The following TANC1 variants were observed in gnomAD, a reference collection of about 807,000 sequenced individuals.
TANC1 encodes tetratricopeptide repeat, ankyrin repeat and coiled-coil containing 1.
In TANC1, 77 loss-of-function variants were observed where a neutral mutation model predicts 149.7. That is an observed-to-expected ratio of 0.51 (90% CI 0.43 to 0.62). TANC1 has a LOEUF of 0.62. Ranked by LOEUF, TANC1 falls within the 20% of genes least tolerant of loss-of-function variation. The pLI is 0.00. For missense variants in TANC1, 1,985 were observed against 2,321.8 expected, an observed-to-expected ratio of 0.85 and a Z score of 2.98; for synonymous variants, 854 against 925.0, an observed-to-expected ratio of 0.92 and a Z score of 1.39.
chr2:158,983,414 C>T (rs1486778209), intron 1 of TANC1, among the ~76,000 whole-genome samples: 1 of 146,716 alleles, frequency 6.8e-6, no homozygotes, highest in Admixed American at 7.0e-5. Flanking sequence ...TTGCAATGAG[C>T]CGAGATCGCG....
At position 159,225,350 on chromosome 2, in the gene TANC1, C is replaced by T. The variant is rs182271657; in HGVS notation, c.3812-338C>T. The T allele has an allele frequency of 4.2e-4, 160 of 382,272 alleles. 1 individual carries two copies. Among genetic ancestry groups the T allele is most frequent in the Admixed American group, 5.1e-4 (13 of 25,402 alleles). The allele number at this position is 382,272 out of a possible 1,614,324, so 23.7% of individuals were successfully genotyped here. A position where few individuals can be genotyped will look rare whatever the true frequency, so the allele number is the denominator to read the frequency against. On this transcript the variant is annotated intron_variant, in intron 23 of 26. Transcript: ENST00000263635. Reference sequence around the variant, plus strand: ...TGCGTGCTGAGAACACATGCCTGCACGGTGGCCGCTGCAGGAACTGAGGAG... The same window carrying T: ...TGCGTGCTGAGAACACATGCCTGCATGGTGGCCGCTGCAGGAACTGAGGAG...
At chr2:158,969,930 C>A (rs900787553) in intron 1 of TANC1, among the ~76,000 whole-genome samples, 11 of 150,200 alleles carry the variant, frequency 7.3e-5, no homozygotes, top group Admixed American at 5.3e-4. Flanking sequence ...GAGGAGGGAA[C>A]TTTCATCTTG....
chr2:159,231,032 T>G lies in TANC1; in HGVS notation c.*20T>G. The G allele has an allele frequency of 6.5e-7, 1 of 1,549,192 alleles. No homozygotes were observed. The highest frequency in any genetic ancestry group is 1.2e-5 in the South Asian group (1 of 82,724). ...GTGTGAACCTTAAGAAATCCCCATT[T>G]GTGGAATTTGGAAACGTGTGTTGAC... On this transcript the variant is annotated 3_prime_UTR_variant, in exon 27 of 27. Transcript: ENST00000263635.
chr2:159,065,012 C>T (rs980316080), intron 2 of TANC1, among the ~76,000 whole-genome samples: 1 of 152,006 alleles, frequency 6.6e-6, no homozygotes, highest in Non-Finnish European at 1.5e-5. Flanking sequence ...GTGATGGTAA[C>T]ACAACCCACT....
chr2:159,050,821 T>A (rs1244521925), intron 2 of TANC1, among the ~76,000 whole-genome samples: 3 of 152,230 alleles, frequency 2.0e-5, no homozygotes, highest in Non-Finnish European at 2.9e-5. Context: ...ATATGAGGAT[T>A]ATAAAAAGTG....
At chr2:159,087,288 C>T (rs978876060) in intron 3 of TANC1, among the ~76,000 whole-genome samples, 9 of 152,060 alleles carry the variant, frequency 5.9e-5, no homozygotes, top group African/African-American at 2.2e-4. Context: ...TCTGTTTTTT[C>T]TCTGAAGGAA....
chr2:158,973,608 T>TA (rs2033216214), intron 1 of TANC1, among the ~76,000 whole-genome samples: 1 of 152,130 alleles, frequency 6.6e-6, no homozygotes, highest in Non-Finnish European at 1.5e-5. Flanking sequence ...AAAGGAGAGT[T>TA]ACGGTTAGAC....
chr2:159,060,104 G>A, intron 2 of TANC1: 1 of 978,622 alleles, frequency 1.0e-6, no homozygotes, highest in South Asian at 4.7e-5. Context: ...AGGCATGACT[G>A]TTAGTTACGT....
intron 4 of TANC1, among the ~76,000 whole-genome samples, chr2:159,098,089 C>T (rs1030817550): frequency 2.6e-5 from 4 of 151,788 alleles, no homozygotes; most frequent in Non-Finnish European, 5.9e-5. Context: ...TGTTAACCAG[C>T]AATTTTGTTG....
At chr2:159,157,313 G>A (rs1009245714) in intron 7 of TANC1, among the ~76,000 whole-genome samples, 4 of 152,182 alleles carry the variant, frequency 2.6e-5, no homozygotes, top group African/African-American at 4.8e-5. Flanking sequence ...TCTGTGGTTG[G>A]TTAGTTTGCA....
At chr2:159,055,953 C>T (rs548643727) in intron 2 of TANC1, 11 of 221,560 alleles carry the variant, frequency 5.0e-5, no homozygotes, top group South Asian at 1.7e-4. Flanking sequence ...CCCCTAGGGA[C>T]GGATGAAACA....
At chr2:159,185,457 C>T (rs1008025731) in intron 14 of TANC1, among the ~76,000 whole-genome samples, 42 of 152,226 alleles carry the variant, frequency 2.8e-4, no homozygotes, top group African/African-American at 8.0e-4. Flanking sequence ...TCACCTAGCA[C>T]GGCCTGGCTT....
At chr2:158,992,874 T>C (rs1386528180) in intron 1 of TANC1, among the ~76,000 whole-genome samples, 1 of 152,090 alleles carries the variant, frequency 6.6e-6, no homozygotes, top group Non-Finnish European at 1.5e-5. Flanking sequence ...CCTCCTTGGC[T>C]TTTTAAATAG....
chr2:159,137,422 C>G (rs2050877274), intron 5 of TANC1, among the ~76,000 whole-genome samples: 1 of 152,154 alleles, frequency 6.6e-6, no homozygotes, highest in African/African-American at 2.4e-5. Context: ...TCTGGGCAGG[C>G]AAGAGGTGCT....
At chr2:159,224,085 T>G in intron 22 of TANC1, 147 bp from the exon 23 acceptor site, 1 of 934,922 alleles carries the variant, frequency 1.1e-6, no homozygotes, top group Non-Finnish European at 1.6e-6. Flanking sequence ...CTTCTCTGTT[T>G]CGTGTCCACT....
At chr2:159,097,877 A>G (rs2046293884) in intron 4 of TANC1, 43 bp downstream of exon 4, 1 of 1,556,822 alleles carries the variant, frequency 6.4e-7, no homozygotes, top group East Asian at 2.3e-5. Context: ...TATATGTAGT[A>G]CCTGCATTGA....
intron 2 of TANC1, among the ~76,000 whole-genome samples, chr2:159,038,029 G>A (rs1023166851): frequency 3.3e-5 from 5 of 152,102 alleles, no homozygotes; most frequent in East Asian, 3.9e-4. Flanking sequence ...CTTTTATTTC[G>A]TTGAACAGTG....
chr2:159,185,400 G>A (rs1170512130), intron 14 of TANC1, among the ~76,000 whole-genome samples: 1 of 152,204 alleles, frequency 6.6e-6, no homozygotes, highest in East Asian at 1.9e-4. Flanking sequence ...ACAAGGACTT[G>A]TGTGCCATCC....
chr2:159,212,228 T>C (rs552328702), intron 19 of TANC1, among the ~76,000 whole-genome samples: 4 of 152,364 alleles, frequency 2.6e-5, no homozygotes, highest in South Asian at 2.1e-4. Flanking sequence ...CATGGCATCA[T>C]GCAAAGGCCC....
Sources: allele counts gnomAD v4.1 joint callset (sites outside exome capture counted in the v4.1 genomes callset), GRCh38; gene constraint gnomAD v4.1.1; transcripts MANE v1.5; gene names NCBI Gene and HGNC (gene_info 2026-07-23, HGNC 2026-07-21).